The following PCDHGB1 variants were observed in gnomAD, a reference collection of about 807,000 sequenced individuals.
The protein encoded by PCDHGB1 is protocadherin gamma subfamily B, 1, also known as protocadherin gamma-B1.
Under a neutral mutation model 56.6 loss-of-function variants are expected in PCDHGB1, and 34 were observed. That is an observed-to-expected ratio of 0.60 (90% CI 0.46 to 0.80). The LOEUF (loss-of-function observed/expected upper bound fraction) is 0.80, where lower values mean the gene tolerates loss of function less well. Among genes scored for constraint, PCDHGB1 ranks in the 30% least tolerant of loss-of-function variants. The probability of loss-of-function intolerance (pLI) is 0.00; values close to 1 mark genes in which losing one functional copy is unlikely to be tolerated. For missense variants in PCDHGB1, 1,278 were observed against 1,204.6 expected (o/e 1.06, Z -0.90); for synonymous variants, 561 against 505.9 (o/e 1.11, Z -1.46).
chr5:141,450,608 T>C (rs916441293), intron 1 of PCDHGB1, among the ~76,000 whole-genome samples: 5 of 151,776 alleles, frequency 3.3e-5, no homozygotes, highest in Admixed American at 2.6e-4. Flanking sequence ...TGCCTCAGCC[T>C]CCTGAGTAGC....
Position 141,512,495 on chromosome 5 carries a change from C to T in PCDHGB1, c.*1322C>T, listed in dbSNP as rs2099884264. 1 of 152,920 alleles carries T rather than the reference C, an allele frequency of 6.5e-6. No homozygotes were observed. The highest frequency in any genetic ancestry group is 1.5e-5 in the Non-Finnish European group (1 of 68,240). The allele number at this position is 152,920 out of a possible 1,614,324, so 9.5% of individuals were successfully genotyped here. A position where few individuals can be genotyped will look rare whatever the true frequency, so the allele number is the denominator to read the frequency against. On this transcript the variant is annotated 3_prime_UTR_variant, in exon 4 of 4. Coordinates refer to ENST00000523390, the MANE Select transcript of PCDHGB1 (RefSeq NM_018922.3). ...TTCCGTGAAGGCCACTGCCCAGGTCCCCAGTGCGCCCCCTAGTGGCCATAG... is the reference window on the plus strand; with the variant it reads ...TTCCGTGAAGGCCACTGCCCAGGTCTCCAGTGCGCCCCCTAGTGGCCATAG...
chr5:141,415,452 C>T, intron 1 of PCDHGB1: 1 of 1,614,240 alleles, frequency 6.2e-7, no homozygotes, highest in South Asian at 1.1e-5. Flanking sequence ...CCTATTCCCA[C>T]GAGGTCTCTC....
At chr5:141,410,281 G>A (rs368378842) in intron 1 of PCDHGB1, 33 of 1,613,938 alleles carry the variant, frequency 2.0e-5, no homozygotes, top group Non-Finnish European at 2.0e-5. Context: ...TTTACCTGGT[G>A]GTGGCCTTGG....
rs370242892 is a variant in PCDHGB1 at position 141,420,225 on chromosome 5, C to A, written c.2409+67556C>A. On this transcript the variant is annotated intron_variant, in intron 1 of 3. Coordinates refer to ENST00000523390, the MANE Select transcript of PCDHGB1 (RefSeq NM_018922.3). ...CTCAACAAAGATAGCATGCTACTGGCTAGCATTTTAACTCCCAGCGTTGAA... is the reference window on the plus strand; with the variant it reads ...CTCAACAAAGATAGCATGCTACTGGATAGCATTTTAACTCCCAGCGTTGAA... 13 of 1,603,470 alleles carry A rather than the reference C, an allele frequency of 8.1e-6. No homozygotes were observed. In the African/African-American group the frequency reaches 1.7e-4, roughly 21 times the overall value.
chr5:141,397,995 C>T, intron 1 of PCDHGB1: 1 of 1,367,706 alleles, frequency 7.3e-7, no homozygotes, highest in Non-Finnish European at 9.8e-7. Flanking sequence ...CCGCTTCCTC[C>T]TCGGAAAAAG....
At chr5:141,403,284 A>C in intron 1 of PCDHGB1, 1 of 1,613,912 alleles carries the variant, frequency 6.2e-7, no homozygotes. Flanking sequence ...GTCCTGGTTG[A>C]AGACAGAGTG....
At chr5:141,498,012 A>T (rs184213306) in intron 2 of PCDHGB1, among the ~76,000 whole-genome samples, 6 of 152,348 alleles carry the variant, frequency 3.9e-5, no homozygotes, top group Non-Finnish European at 8.8e-5. Context: ...CAGTGCACTG[A>T]AGGAGACAAA....
chr5:141,375,164 C>A (rs374150026), intron 1 of PCDHGB1: 3 of 1,613,840 alleles, frequency 1.9e-6, no homozygotes, highest in African/African-American at 1.3e-5. Flanking sequence ...TGAAAGTGCA[C>A]CTCCAGGAAC....
At position 141,493,356 on chromosome 5, in the gene PCDHGB1, C is replaced by A. The variant is rs1303319550; in HGVS notation, c.2410-1451C>A. Among the ~76,000 whole-genome samples, 1 of 152,182 alleles carries A rather than the reference C, an allele frequency of 6.6e-6. No individual in the cohort carries two copies. The highest frequency in any genetic ancestry group is 2.4e-5 in the African/African-American group (1 of 41,438). On this transcript the variant is annotated intron_variant, in intron 1 of 3. Transcript: ENST00000523390. This position sits in a 1 kb window ranked among gnomAD's most constrained non-coding sequence, Gnocchi z 4.3. ...ACTCCAGAATGTGTGCTTTTAATTT[C>A]TTGGCACTTGGAACTTTAAAAGCTT...
Position 141,381,442 on chromosome 5 carries a change from A to AC in PCDHGB1, c.2409+28774dup, listed in dbSNP as rs551572598. 7.9e-5 allele frequency among the ~76,000 whole-genome samples: 12 copies of AC among 152,360 alleles called. No individual in the cohort carries two copies. In the South Asian group the frequency reaches 2.5e-3, roughly 32 times the overall value. The stretch of plus-strand genomic sequence containing the variant: ...GAGTACCTCTAAGGATCCTGTCAGG[A>AC]CAGTCCTGCATTTTGCTCAAATGCT... On this transcript the variant is annotated intron_variant, in intron 1 of 3. Transcript: ENST00000523390.
intron 1 of PCDHGB1, among the ~76,000 whole-genome samples, chr5:141,442,843 G>C (rs1264073611): frequency 2.0e-5 from 3 of 152,134 alleles, no homozygotes; most frequent in African/African-American, 7.2e-5. Flanking sequence ...GACAAATCTT[G>C]GCCATTGTAG....
chr5:141,360,850 C>T (rs762068366), intron 1 of PCDHGB1: 4 of 1,613,866 alleles, frequency 2.5e-6, no homozygotes, highest in East Asian at 2.2e-5. Context: ...CAACGATAAC[C>T]CTCCAGTGTT....
intron 1 of PCDHGB1, chr5:141,370,948 A>G (rs1401435063): frequency 6.2e-7 from 1 of 1,613,966 alleles, no homozygotes. Flanking sequence ...CAGAAGGAGA[A>G]CCTGGATGGC....
chr5:141,422,485 A>G, intron 1 of PCDHGB1: 2 of 1,613,980 alleles, frequency 1.2e-6, no homozygotes, highest in Non-Finnish European at 1.7e-6. Context: ...CCAGAGCTAC[A>G]ATATAACGTT....
chr5:141,469,853 G>A (rs549678022), intron 1 of PCDHGB1, among the ~76,000 whole-genome samples: 5 of 152,270 alleles, frequency 3.3e-5, no homozygotes, highest in South Asian at 2.1e-4. Context: ...GATTCAGACC[G>A]GGTGCAATGG....
At chr5:141,410,697 T>G in intron 1 of PCDHGB1, 1 of 1,489,152 alleles carries the variant, frequency 6.7e-7, no homozygotes, top group Non-Finnish European at 9.0e-7. Context: ...TACTTTATTT[T>G]CATATCTAGA....
At chr5:141,421,994 T>A (rs765586654) in intron 1 of PCDHGB1, 3 of 1,608,922 alleles carry the variant, frequency 1.9e-6, no homozygotes, top group Non-Finnish European at 2.5e-6. Flanking sequence ...CCAGAAAACA[T>A]CAGCTCCGGA....
chr5:141,420,311 T>G (rs762191274), intron 1 of PCDHGB1: 1 of 1,454,814 alleles, frequency 6.9e-7, no homozygotes, highest in Non-Finnish European at 9.3e-7. Flanking sequence ...CTTTTTATAT[T>G]ACAATATGCC....
intron 1 of PCDHGB1, chr5:141,404,403 A>C (rs767148207): frequency 6.2e-7 from 1 of 1,613,896 alleles, no homozygotes; most frequent in Admixed American, 1.7e-5. Context: ...AGCAATGAGA[A>C]TTCTAGAGTT....
Sources: gnomAD v4.1 joint callset for allele counts (sites outside exome capture counted in the v4.1 genomes callset) on GRCh38, gnomAD v4.1.1 for gene constraint, Gnocchi (gnomAD v3.1) non-coding constraint, MANE v1.5 for transcripts, NCBI Gene and HGNC (gene_info 2026-07-23, HGNC 2026-07-21) for gene names.